Variants in DPP6 observed in about 807,000 individuals in gnomAD.
DPP6 encodes the protein A-type potassium channel modulatory protein DPP6.
A neutral mutation model predicts 122.6 loss-of-function variants in DPP6; 69 were observed. That is an observed-to-expected ratio of 0.56 (90% CI 0.46 to 0.69). The LOEUF is 0.69. Among genes scored for constraint, DPP6 ranks in the 30% least tolerant of loss-of-function variants. The pLI is 0.00. For synonymous variants in DPP6, 418 were observed against 433.1 expected (o/e 0.97, Z 0.43); for missense variants, 928 against 1,116.9 (o/e 0.83, Z 2.41).
At chr7:154,835,280 G>A (rs1161036230) in intron 16 of DPP6, among the ~76,000 whole-genome samples, 1 of 152,164 alleles carries the variant, frequency 6.6e-6, no homozygotes, top group East Asian at 1.9e-4. Context: ...CGACGTCAGA[G>A]GCAGGGAAAG....
At chr7:154,654,526 C>T (rs565995032) in intron 6 of DPP6, among the ~76,000 whole-genome samples, 2 of 151,872 alleles carry the variant, frequency 1.3e-5, no homozygotes, top group African/African-American at 4.8e-5. Flanking sequence ...TCAGGCGATT[C>T]TCCTGCCTCA....
intron 22 of DPP6, among the ~76,000 whole-genome samples, chr7:154,886,413 T>C (rs1806157892): frequency 6.6e-6 from 1 of 152,206 alleles, no homozygotes; most frequent in African/African-American, 2.4e-5. Flanking sequence ...ACCAGACCTC[T>C]GTCCAGGCAC....
At chr7:154,689,438 G>T (rs1260408525) in intron 7 of DPP6, among the ~76,000 whole-genome samples, 1 of 151,772 alleles carries the variant, frequency 6.6e-6, no homozygotes, top group Non-Finnish European at 1.5e-5. Flanking sequence ...GATCATGTGG[G>T]TTTTTTTTCC....
chr7:154,723,726 C>T (rs2131351722), intron 7 of DPP6, among the ~76,000 whole-genome samples: 1 of 152,328 alleles, frequency 6.6e-6, no homozygotes, highest in East Asian at 1.9e-4. Context: ...ATTCCATATT[C>T]ATGCCATTTC....
rs1815809828 is a variant in DPP6 at position 154,403,401 on chromosome 7, C to T, written c.244-42813C>T. Among the ~76,000 whole-genome samples, 1 of 152,162 alleles carries T rather than the reference C, an allele frequency of 6.6e-6. No homozygotes were observed. Among genetic ancestry groups the T allele is most frequent in the South Asian group, 2.1e-4 (1 of 4,824 alleles). Reference sequence around the variant, plus strand: ...GTGAGGACTGGAGTTGCGGTAGATGCCTCCTGGGTGTTGAAGAGTCCGAAG... The same window carrying T: ...GTGAGGACTGGAGTTGCGGTAGATGTCTCCTGGGTGTTGAAGAGTCCGAAG... On this transcript the variant is annotated intron_variant, in intron 1 of 25. Transcript: ENST00000377770. This position sits in a 1 kb window ranked among gnomAD's most constrained non-coding sequence, Gnocchi z 4.1.
intron 1 of DPP6, among the ~76,000 whole-genome samples, chr7:154,375,835 T>G (rs575027407): frequency 6.6e-6 from 1 of 152,312 alleles, no homozygotes; most frequent in East Asian, 1.9e-4. Context: ...TCAAGACCTT[T>G]CTCTATGACG....
Position 154,247,732 on chromosome 7 carries a change from G to T in DPP6, c.243+194669G>T, listed in dbSNP as rs183316339. Among the ~76,000 whole-genome samples the T allele has an allele frequency of 3.9e-5, 6 of 152,236 alleles. 1 individual carries two copies. The East Asian group carries it at 1.2e-3, about 29-fold the overall frequency. Reference sequence around the variant, plus strand: ...AAAGCCCAGTATATAGTGCCCGACTGCAGTCTACTGCACTCTTAGGTATTT... The same window carrying T: ...AAAGCCCAGTATATAGTGCCCGACTTCAGTCTACTGCACTCTTAGGTATTT... On this transcript the variant is annotated intron_variant, in intron 1 of 25. Coordinates refer to ENST00000377770, the MANE Select transcript of DPP6 (RefSeq NM_130797.4).
At chr7:154,302,586 G>C (rs1014788252) in intron 1 of DPP6, among the ~76,000 whole-genome samples, 4 of 152,178 alleles carry the variant, frequency 2.6e-5, no homozygotes, top group Admixed American at 6.5e-5. Flanking sequence ...GGCCTGGCTG[G>C]TCAAAGTCCA....
intron 1 of DPP6, among the ~76,000 whole-genome samples, chr7:154,302,546 A>C (rs62475064): frequency 0.04 from 6,109 of 152,278 alleles, 132 homozygotes; most frequent in Middle Eastern, 0.071. Flanking sequence ...GGCAGAGTAG[A>C]TGAGTGAGGG....
chr7:154,447,909 G>A (rs766116287), intron 2 of DPP6, among the ~76,000 whole-genome samples: 31 of 152,140 alleles, frequency 2.0e-4, no homozygotes, highest in Non-Finnish European at 3.8e-4. Flanking sequence ...CTAGGAACAG[G>A]AAGAAACATC....
At chr7:153,887,582 C>T in exon 1 of DPP6, 2 of 1,394,620 alleles carry the variant, frequency 1.4e-6, no homozygotes, top group East Asian at 2.4e-5. Flanking sequence ...AAACCCGTTT[C>T]CATCCAGTCT....
At chr7:154,803,161 G>A (rs1164765171) in intron 13 of DPP6, among the ~76,000 whole-genome samples, 2 of 152,170 alleles carry the variant, frequency 1.3e-5, no homozygotes, top group African/African-American at 4.8e-5. Context: ...CCTCCACCTA[G>A]TTTAATCTCC....
chr7:154,799,713 T>G (rs1187468490), intron 12 of DPP6, among the ~76,000 whole-genome samples: 1 of 152,036 alleles, frequency 6.6e-6, no homozygotes, highest in African/African-American at 2.4e-5. Flanking sequence ...ATCTGCTGAG[T>G]GGAGTTGAGG....
At chr7:154,102,248 G>A (rs1805787917) in intron 1 of DPP6, among the ~76,000 whole-genome samples, 1 of 152,002 alleles carries the variant, frequency 6.6e-6, no homozygotes, top group Non-Finnish European at 1.5e-5. Flanking sequence ...TGCAATGAAT[G>A]GCACAGTCTC....
intron 2 of DPP6, among the ~76,000 whole-genome samples, chr7:154,463,451 C>T (rs1024050350): frequency 6.6e-6 from 1 of 152,062 alleles, no homozygotes; most frequent in Non-Finnish European, 1.5e-5. Context: ...TCGTGATCCG[C>T]CCGTCTCGGC....
At chr7:153,824,861 T>A in the DPP6 span, among the ~76,000 whole-genome samples, 3 of 152,288 alleles carry the variant, frequency 2.0e-5, no homozygotes, top group East Asian at 5.8e-4. Context: ...ATTTATTTGT[T>A]TTCCCTGAAT....
At chr7:154,107,609 T>C (rs1223261728) in intron 1 of DPP6, among the ~76,000 whole-genome samples, 2 of 152,246 alleles carry the variant, frequency 1.3e-5, no homozygotes, top group Non-Finnish European at 2.9e-5. Flanking sequence ...TGAGGTGATA[T>C]ATATGTTAAC....
chr7:154,638,865 C>A (rs2130929703), intron 6 of DPP6, among the ~76,000 whole-genome samples: 1 of 152,288 alleles, frequency 6.6e-6, no homozygotes, highest in African/African-American at 2.4e-5. Context: ...CCTTCCTGTT[C>A]CCCACCTCAT....
At chr7:154,162,741 T>G (rs1213949315) in intron 1 of DPP6, among the ~76,000 whole-genome samples, 1 of 152,138 alleles carries the variant, frequency 6.6e-6, no homozygotes, top group Non-Finnish European at 1.5e-5. Context: ...GAGTGGAATT[T>G]AACACCTGGA....
Sources: gnomAD v4.1 joint callset for allele counts (sites outside exome capture counted in the v4.1 genomes callset) on GRCh38, gnomAD v4.1.1 for gene constraint, Gnocchi (gnomAD v3.1) non-coding constraint, MANE v1.5 for transcripts, NCBI Gene and HGNC (gene_info 2026-07-23, HGNC 2026-07-21) for gene names.